The following CRPPA variants were observed in gnomAD, a reference collection of about 807,000 sequenced individuals.
CRPPA encodes D-ribitol-5-phosphate cytidylyltransferase.
In CRPPA, 43 loss-of-function variants were observed where a neutral mutation model predicts 52.0. That is an observed-to-expected ratio of 0.83 (90% CI 0.65 to 1.07). The LOEUF (loss-of-function observed/expected upper bound fraction) is 1.07. CRPPA is among the 50% of genes least tolerant of loss of function. The probability of loss-of-function intolerance (pLI) is 0.00; values close to 1 mark genes in which losing one functional copy is unlikely to be tolerated. For synonymous variants in CRPPA, 250 were observed against 203.5 expected (o/e 1.23, Z -1.94); for missense variants, 629 against 551.7 (o/e 1.14, Z -1.40).
intron 8 of CRPPA, among the ~76,000 whole-genome samples, chr7:16,227,808 A>C: frequency 6.6e-6 from 1 of 151,878 alleles, no homozygotes; most frequent in African/African-American, 2.4e-5. Flanking sequence ...CATACTAATA[A>C]GTCATTGCCC....
rs141054700 is a variant in CRPPA at position 16,408,117 on chromosome 7, A to T, written c.258-1780T>A. On this transcript the variant is annotated intron_variant, in intron 1 of 9. Transcript: ENST00000407010. ...AGCAGGACTCTGTCTTTAAAAAAAA[A>T]AAAATAAAAAAATAACTTATCAGCA... Among the ~76,000 whole-genome samples the T allele has an allele frequency of 6.2e-4, 93 of 150,830 alleles. 1 individual carries two copies. The East Asian group carries it at 0.011, about 17-fold the overall frequency.
intron 9 of CRPPA, among the ~76,000 whole-genome samples, chr7:16,121,167 G>A (rs546284794): frequency 4.1e-4 from 63 of 152,112 alleles, no homozygotes; most frequent in Admixed American, 1.6e-3. Flanking sequence ...TAGAGAGTCC[G>A]ACCACTTCAT....
intron 3 of CRPPA, among the ~76,000 whole-genome samples, chr7:16,319,011 C>A (rs1217343771): frequency 6.6e-6 from 1 of 152,182 alleles, no homozygotes; most frequent in African/African-American, 2.4e-5. Context: ...TTCCCAACTT[C>A]ATCTCAATAT....
chr7:16,105,709 C>T (rs894119137), intron 9 of CRPPA, among the ~76,000 whole-genome samples: 4 of 152,068 alleles, frequency 2.6e-5, no homozygotes, highest in African/African-American at 9.7e-5. Flanking sequence ...GGATGTTCAA[C>T]AAAACTTGAG....
At chr7:16,125,935 A>G (rs1782571513) in intron 9 of CRPPA, among the ~76,000 whole-genome samples, 1 of 148,500 alleles carries the variant, frequency 6.7e-6, no homozygotes, top group Non-Finnish European at 1.5e-5. Context: ...ACACACACAC[A>G]AATACATACA....
chr7:16,375,169 G>C (rs1006564865), intron 3 of CRPPA, among the ~76,000 whole-genome samples: 4 of 152,138 alleles, frequency 2.6e-5, no homozygotes, highest in African/African-American at 9.7e-5. Context: ...GCTTGTATCT[G>C]ATTCAGCTCA....
chr7:16,364,996 G>T (rs951198930), intron 3 of CRPPA, among the ~76,000 whole-genome samples: 1 of 152,212 alleles, frequency 6.6e-6, no homozygotes, highest in Non-Finnish European at 1.5e-5. Flanking sequence ...AATATCAAGT[G>T]TATCAGTCAC....
At chr7:16,168,679 T>C (rs1781116949) in intron 9 of CRPPA, among the ~76,000 whole-genome samples, 1 of 152,002 alleles carries the variant, frequency 6.6e-6, no homozygotes, top group Non-Finnish European at 1.5e-5. Context: ...ACCAGAAATA[T>C]TAGGGTATCT....
At chr7:16,259,972 A>T (rs1783752324) in intron 6 of CRPPA, among the ~76,000 whole-genome samples, 1 of 152,148 alleles carries the variant, frequency 6.6e-6, no homozygotes, top group African/African-American at 2.4e-5. Flanking sequence ...TTAAATTTTA[A>T]AAATTTTAGT....
At chr7:16,239,464 T>C (rs1348625286) in intron 8 of CRPPA, among the ~76,000 whole-genome samples, 1 of 150,270 alleles carries the variant, frequency 6.7e-6, no homozygotes, top group Non-Finnish European at 1.5e-5. Flanking sequence ...ATAAATGATA[T>C]TGAAAATACA....
At chr7:16,172,965 A>C (rs1209822130) in intron 9 of CRPPA, among the ~76,000 whole-genome samples, 1 of 152,226 alleles carries the variant, frequency 6.6e-6, no homozygotes, top group African/African-American at 2.4e-5. Context: ...AACTGGAGAA[A>C]TCCACAGTTC....
intron 2 of CRPPA, among the ~76,000 whole-genome samples, chr7:16,379,031 C>G (rs146833038): frequency 6.6e-6 from 1 of 152,000 alleles, no homozygotes; most frequent in African/African-American, 2.4e-5. Context: ...GAGTAGGTTG[C>G]GAAAATTTTC....
At chr7:16,221,870 T>C (rs1251614739) in intron 8 of CRPPA, among the ~76,000 whole-genome samples, 1 of 151,028 alleles carries the variant, frequency 6.6e-6, no homozygotes, top group Admixed American at 6.6e-5. Context: ...AGTTCAACCA[T>C]TGTGGAAGTC....
At chr7:16,161,369 GT>G (rs1783300825) in intron 9 of CRPPA, among the ~76,000 whole-genome samples, 1 of 152,112 alleles carries the variant, frequency 6.6e-6, no homozygotes, top group African/African-American at 2.4e-5. Context: ...CCAATACCTA[GT>G]TTATTGAGTG....
intron 4 of CRPPA, among the ~76,000 whole-genome samples, chr7:16,301,707 CT>C (rs1784791749): frequency 6.6e-6 from 1 of 152,082 alleles, no homozygotes; most frequent in Non-Finnish European, 1.5e-5. Flanking sequence ...TTACCGAAAT[CT>C]TAATGTAACT....
intron 5 of CRPPA, among the ~76,000 whole-genome samples, chr7:16,284,065 ATTTTC>A (rs903296237): frequency 2.0e-5 from 3 of 152,064 alleles, no homozygotes; most frequent in African/African-American, 4.8e-5. Flanking sequence ...GCAGAGTCAA[ATTTTC>A]TTTTCTTTTC....
chr7:16,316,582 C>T (rs939309114), intron 3 of CRPPA, among the ~76,000 whole-genome samples: 3 of 152,174 alleles, frequency 2.0e-5, no homozygotes, highest in Non-Finnish European at 4.4e-5. Context: ...AAACAACTGG[C>T]CAGATGTGGT....
chr7:16,116,659 GAAAA>G (rs71525890), intron 9 of CRPPA, among the ~76,000 whole-genome samples: 1 of 78,048 alleles, frequency 1.3e-5, no homozygotes, highest in African/African-American at 5.9e-5. Context: ...AGACTCGGTC[GAAAA>G]AAAAAAAAAA....
At chr7:16,113,605 TC>T (rs1782310393) in intron 9 of CRPPA, among the ~76,000 whole-genome samples, 1 of 151,938 alleles carries the variant, frequency 6.6e-6, no homozygotes, top group Non-Finnish European at 1.5e-5. Context: ...GCAGCGTCTC[TC>T]CCAAAAATAA....
Sources: allele counts gnomAD v4.1 joint callset (sites outside exome capture counted in the v4.1 genomes callset), GRCh38; gene constraint gnomAD v4.1.1; transcripts MANE v1.5; gene names NCBI Gene and HGNC (gene_info 2026-07-23, HGNC 2026-07-21).